The following CCDC47 variants were observed in gnomAD, a reference collection of about 807,000 sequenced individuals.
The protein encoded by CCDC47 is coiled-coil domain containing 47.
Under a neutral mutation model 60.5 loss-of-function variants are expected in CCDC47, and 41 were observed. The ratio of observed to expected loss-of-function variants is 0.68; its 90% CI spans 0.53 to 0.88. The LOEUF (loss-of-function observed/expected upper bound fraction) is 0.88, where lower values mean the gene tolerates loss of function less well. CCDC47 is among the 40% of genes least tolerant of loss of function. The pLI, the probability that CCDC47 is intolerant of heterozygous loss-of-function variation, is 0.00. For synonymous variants in CCDC47, 195 were observed against 190.7 expected (o/e 1.02, Z -0.18); for missense variants, 513 against 580.9 (o/e 0.88, Z 1.20).
chr17:63,748,364 C>T (rs12950964), intron 12 of CCDC47, among the ~76,000 whole-genome samples: 1 of 152,198 alleles, frequency 6.6e-6, no homozygotes, highest in Non-Finnish European at 1.5e-5. Flanking sequence ...CTACCTGCCT[C>T]GGCCTCCCAA....
intron 6 of CCDC47, among the ~76,000 whole-genome samples, chr17:63,759,996 AGAGATTGCAGTGAGCC>A (rs2039245079): frequency 1.3e-5 from 2 of 148,548 alleles, no homozygotes; most frequent in Non-Finnish European, 1.5e-5. Context: ...TCCAGGAGGC[AGAGATTGCAGTGAGCC>A]GAGATTGCAC....
intron 6 of CCDC47, among the ~76,000 whole-genome samples, chr17:63,757,198 A>C (rs1387212722): frequency 1.7e-5 from 1 of 57,522 alleles, no homozygotes; most frequent in Non-Finnish European, 3.5e-5. Context: ...CCATCTGTAC[A>C]AAAAAAAAAA....
chr17:63,761,289 T>C lies in CCDC47; in HGVS notation c.610A>G (p.Ile204Val), dbSNP rs1184307142. Residue 204 changes from isoleucine to valine, a missense_variant, in exon 5 of 13, where the codon ATC (isoleucine) becomes GTC (valine). Coordinates refer to ENST00000225726, the MANE Select transcript of CCDC47 (RefSeq NM_020198.3). ...TGKLNQENEH[I>V]YNLWCSGRVC... ...CGACCAGAACACCACAGGTTATAGATGTGCTCATTCTCCTGGTTCAACTTT... is the reference window on the plus strand; with the variant it reads ...CGACCAGAACACCACAGGTTATAGACGTGCTCATTCTCCTGGTTCAACTTT... The C allele has an allele frequency of 4.3e-6, 7 of 1,614,144 alleles. No individual in the cohort carries two copies. The highest frequency in any genetic ancestry group is 5.9e-6 in the Non-Finnish European group (7 of 1,180,002).
At chr17:63,754,796 G>T (rs1391653231) in intron 8 of CCDC47, among the ~76,000 whole-genome samples, 1 of 151,260 alleles carries the variant, frequency 6.6e-6, no homozygotes, top group Non-Finnish European at 1.5e-5. Context: ...GGCACGAGAA[G>T]CGTTTGAACC....
In CCDC47 at chr17:63,755,460, G is replaced by GA. The variant is rs1285016536; in HGVS notation, c.948+779dup. The GA allele has an allele frequency of 4.1e-3, 323 of 77,850 alleles. 1 individual carries two copies. Among genetic ancestry groups the GA allele is most frequent in the South Asian group, 0.021 (42 of 2,026 alleles). The allele number at this position is 77,850 out of a possible 1,614,324, so 4.8% of individuals were successfully genotyped here. A position where few individuals can be genotyped will look rare whatever the true frequency, so the allele number is the denominator to read the frequency against. On this transcript the variant is annotated intron_variant, in intron 8 of 12. Transcript: ENST00000225726. The stretch of plus-strand genomic sequence containing the variant: ...CACAGCGAAACCCCATCTCTACTAA[G>GA]AAAAAAAAAAAAAAAAAAAAAGTAG...
intron 3 of CCDC47, 55 bp from the exon 4 acceptor site, chr17:63,764,245 T>C: frequency 1.5e-6 from 2 of 1,293,270 alleles, no homozygotes; most frequent in Non-Finnish European, 2.1e-6. Flanking sequence ...GAATGAAATC[T>C]ACCTCATGGC....
intron 12 of CCDC47, among the ~76,000 whole-genome samples, chr17:63,750,361 C>G (rs928540438): frequency 6.6e-6 from 1 of 151,882 alleles, no homozygotes; most frequent in Admixed American, 6.6e-5. Flanking sequence ...ATCACTAAAC[C>G]AAGTCAAATA....
chr17:63,745,511 A>G lies in CCDC47; in HGVS notation c.*1370T>C, dbSNP rs2039114664. On this transcript the variant is annotated 3_prime_UTR_variant, in exon 13 of 13. Coordinates refer to ENST00000225726, the MANE Select transcript of CCDC47 (RefSeq NM_020198.3). Reference sequence around the variant, plus strand: ...ATAACAACTTCATGAACTGTTAAAAATATTACATTTGCATCTCTCAGTTTA... The same window carrying G: ...ATAACAACTTCATGAACTGTTAAAAGTATTACATTTGCATCTCTCAGTTTA... 2.0e-5 allele frequency: 3 copies of G among 152,252 alleles called. No individual in the cohort carries two copies. The highest frequency in any genetic ancestry group is 4.4e-5 in the Non-Finnish European group (3 of 68,040). The allele number at this position is 152,252 out of a possible 1,614,324, so 9.4% of individuals were successfully genotyped here.
intron 12 of CCDC47, 46 bp downstream of exon 12, chr17:63,751,894 C>T: frequency 1.2e-6 from 2 of 1,602,052 alleles, no homozygotes; most frequent in Non-Finnish European, 1.7e-6. Context: ...CACAAGCAGT[C>T]ATCCTTACAA....
intron 6 of CCDC47, among the ~76,000 whole-genome samples, chr17:63,757,487 C>T (rs977299738): frequency 7.2e-5 from 11 of 152,096 alleles, no homozygotes; most frequent in African/African-American, 2.7e-4. Flanking sequence ...GAACTCTAAC[C>T]TGAATGACAT....
Position 63,756,500 on chromosome 17 carries a change from A to G in CCDC47, c.806T>C (p.Leu269Ser). 1 of 1,614,090 alleles carries G rather than the reference A, an allele frequency of 6.2e-7. No homozygotes were observed. Among genetic ancestry groups the G allele is most frequent in the South Asian group, 1.1e-5 (1 of 91,084 alleles). ...CTGCATCTCTTTCTGTAGTCGCACC[A>G]AGGCTTTCCGTGTGCCAACAGCAAA... Reference protein sequence around the residue: ...YVFAVGTRKALVRLQKEMQDL... With the variant: ...YVFAVGTRKASVRLQKEMQDL... The change falls in exon 7 of 13, where the codon TTG becomes TCG. Residue 269 changes from leucine (L) to serine (S), a missense_variant. Leu to Ser is a moderately radical substitution (Grantham distance 145, BLOSUM62 -2). Transcript: ENST00000225726.
intron 8 of CCDC47, 82 bp from the exon 9 acceptor site, chr17:63,754,600 A>G: frequency 2.3e-6 from 2 of 865,398 alleles, no homozygotes; most frequent in South Asian, 1.6e-5. Flanking sequence ...ACTCTTTGAG[A>G]TGGTGCAACG....
At chr17:63,751,867 C>G (rs190549142) in intron 12 of CCDC47, 73 bp downstream of exon 12, 3 of 1,547,364 alleles carry the variant, frequency 1.9e-6, no homozygotes, top group African/African-American at 2.7e-5. Flanking sequence ...CAAAGATTAC[C>G]TTAACAACCA....
intron 1 of CCDC47, chr17:63,766,782 T>G: frequency 1.0e-6 from 1 of 956,708 alleles, no homozygotes. Context: ...TTACATAGAG[T>G]ATTCAATAAG....
chr17:63,763,947 G>A (rs2039279183), intron 4 of CCDC47, 69 bp downstream of exon 4: 1 of 1,292,098 alleles, frequency 7.7e-7, no homozygotes, highest in Admixed American at 2.7e-5. Flanking sequence ...TGCTTATACT[G>A]AGGGGAATAC....
chr17:63,746,832 G>T lies in CCDC47; in HGVS notation c.*49C>A. 2 of 1,364,294 alleles carry T rather than the reference G, an allele frequency of 1.5e-6. No individual in the cohort carries two copies. Among genetic ancestry groups the T allele is most frequent in the South Asian group, 1.2e-5 (1 of 85,312 alleles). The allele number at this position is 1,364,294 out of a possible 1,614,324, so 84.5% of individuals were successfully genotyped here. A position where few individuals can be genotyped will look rare whatever the true frequency, so the allele number is the denominator to read the frequency against. ...GACTGGCGTTTTTCATGTTTCCTGT[G>T]AATTCAGAGCTTACAGGTGGCATCA... On this transcript the variant is annotated 3_prime_UTR_variant, in exon 13 of 13. Transcript: ENST00000225726.
Position 63,755,799 on chromosome 17 carries a change from G to C in CCDC47, c.948+441C>G, listed in dbSNP as rs181142582. Among the ~76,000 whole-genome samples the C allele has an allele frequency of 1.7e-3, 253 of 151,718 alleles. 1 individual carries two copies. Among genetic ancestry groups the C allele is most frequent in the African/African-American group, 5.6e-3 (231 of 41,354 alleles). ...CCAGAAGTTTTTGATGCTGCAGTGA[G>C]ATCTATCACACACATGAATAGCCAC... On this transcript the variant is annotated intron_variant, in intron 8 of 12. Transcript: ENST00000225726.
At chr17:63,769,613 CAAA>C (rs60378449) in intron 1 of CCDC47, among the ~76,000 whole-genome samples, 3 of 99,106 alleles carry the variant, frequency 3.0e-5, no homozygotes, top group Non-Finnish European at 4.4e-5. Flanking sequence ...AACTCCATCT[CAAA>C]AAAAAAAAAA....
At chr17:63,750,529 C>T (rs958211341) in intron 12 of CCDC47, among the ~76,000 whole-genome samples, 2 of 152,050 alleles carry the variant, frequency 1.3e-5, no homozygotes, top group Non-Finnish European at 2.9e-5. Context: ...TAAGAATATT[C>T]TTCAATTATC....
Sources: gnomAD v4.1 joint callset for allele counts (sites outside exome capture counted in the v4.1 genomes callset) on GRCh38, gnomAD v4.1.1 for gene constraint, MANE v1.5 for transcripts, NCBI Gene and HGNC (gene_info 2026-07-23, HGNC 2026-07-21) for gene names.